TTC23: variants seen among roughly 807,000 people sequenced by gnomAD.
The protein encoded by TTC23 is tetratricopeptide repeat protein 23.
Under a neutral mutation model 55.1 loss-of-function variants are expected in TTC23, and 58 were observed. The observed-to-expected ratio is 1.05, with a 90% CI of 0.85 to 1.31. The LOEUF (loss-of-function observed/expected upper bound fraction) is 1.31, where lower values mean the gene tolerates loss of function less well. Ranked by LOEUF, TTC23 falls within the 50% of genes most tolerant of loss-of-function variation. The probability of loss-of-function intolerance (pLI) is 0.00; values close to 1 mark genes in which losing one functional copy is unlikely to be tolerated. For missense variants in TTC23, 516 were observed against 534.4 expected (o/e 0.97, Z 0.34); for synonymous variants, 203 against 199.9 (o/e 1.02, Z -0.13).
intron 8 of TTC23, among the ~76,000 whole-genome samples, chr15:99,208,926 A>C (rs965294248): frequency 6.6e-6 from 1 of 152,148 alleles, no homozygotes; most frequent in East Asian, 1.9e-4. Context: ...TGATTTGAGG[A>C]TTTATTATCT....
intron 2 of TTC23, among the ~76,000 whole-genome samples, chr15:99,242,128 T>A: frequency 9.2e-6 from 1 of 108,460 alleles, no homozygotes. Context: ...CAAGATCCTG[T>A]CTCAGAAAAA....
intron 2 of TTC23, among the ~76,000 whole-genome samples, chr15:99,242,124 C>T (rs2079857908): frequency 1.5e-5 from 2 of 131,150 alleles, no homozygotes; most frequent in South Asian, 5.0e-4. Context: ...AGAACAAGAT[C>T]CTGTCTCAGA....
chr15:99,190,821 G>C, intron 9 of TTC23, among the ~76,000 whole-genome samples: 1 of 151,720 alleles, frequency 6.6e-6, no homozygotes, highest in Non-Finnish European at 1.5e-5. Flanking sequence ...GTGCAGTGGC[G>C]TCCAGGTTGG....
chr15:99,238,617 G>A (rs1262272270), intron 3 of TTC23, among the ~76,000 whole-genome samples: 1 of 152,148 alleles, frequency 6.6e-6, no homozygotes, highest in African/African-American at 2.4e-5. Flanking sequence ...ACTGCTGGTG[G>A]TTCAATTTGG....
At chr15:99,232,408 G>A (rs903347056) in intron 4 of TTC23, among the ~76,000 whole-genome samples, 6 of 151,526 alleles carry the variant, frequency 4.0e-5, no homozygotes, top group Non-Finnish European at 7.4e-5. Flanking sequence ...GAACTTGGGA[G>A]GCGGAGGTTG....
At chr15:99,156,745 C>T (rs566287877) in intron 11 of TTC23, among the ~76,000 whole-genome samples, 7 of 152,130 alleles carry the variant, frequency 4.6e-5, no homozygotes, top group South Asian at 2.1e-4. Flanking sequence ...TAATTCAAGA[C>T]GAGATTTGGG....
intron 3 of TTC23, among the ~76,000 whole-genome samples, chr15:99,236,823 T>A (rs1163046264): frequency 3.9e-5 from 6 of 152,224 alleles, no homozygotes; most frequent in Non-Finnish European, 8.8e-5. Context: ...GATTACCTTT[T>A]GTTGATTATT....
At chr15:99,211,883 TG>T (rs972393821) in intron 8 of TTC23, among the ~76,000 whole-genome samples, 4 of 152,044 alleles carry the variant, frequency 2.6e-5, no homozygotes, top group African/African-American at 9.7e-5. Flanking sequence ...TTAATAGAGA[TG>T]GGGATTCACC....
intron 9 of TTC23, among the ~76,000 whole-genome samples, chr15:99,177,959 C>G (rs984170561): frequency 6.6e-6 from 1 of 152,096 alleles, no homozygotes; most frequent in South Asian, 2.1e-4. Flanking sequence ...GCAGGAGGAT[C>G]ACTTGAGCTC....
intron 5 of TTC23, 136 bp downstream of exon 5, chr15:99,228,397 C>A (rs1444150387): frequency 2.9e-6 from 2 of 701,364 alleles, no homozygotes; most frequent in African/African-American, 3.6e-5. Flanking sequence ...CATGTTATAA[C>A]AAAGGCACTG....
chr15:99,183,891 G>C (rs1348689125), intron 9 of TTC23, among the ~76,000 whole-genome samples: 1 of 152,082 alleles, frequency 6.6e-6, no homozygotes, highest in African/African-American at 2.4e-5. Flanking sequence ...AGACCTAGGA[G>C]GAAAAATGAT....
intron 8 of TTC23, among the ~76,000 whole-genome samples, chr15:99,206,087 T>C (rs1203286012): frequency 6.6e-6 from 1 of 152,210 alleles, no homozygotes; most frequent in African/African-American, 2.4e-5. Context: ...AATGATCATA[T>C]GGTTTTTGTC....
At chr15:99,169,739 G>A (rs1306643729) in intron 10 of TTC23, among the ~76,000 whole-genome samples, 1 of 152,240 alleles carries the variant, frequency 6.6e-6, no homozygotes, top group Non-Finnish European at 1.5e-5. Flanking sequence ...CCAGTCTACT[G>A]TGTAAAATGT....
intron 1 of TTC23, 30 bp downstream of exon 1, chr15:99,249,141 T>C (rs533031796): frequency 6.1e-4 from 93 of 152,344 alleles, no homozygotes; most frequent in African/African-American, 2.2e-3. Context: ...AAATGATCTA[T>C]AGTTAATCTT....
At chr15:99,152,094 T>G (rs1254957224) in intron 12 of TTC23, among the ~76,000 whole-genome samples, 1 of 152,214 alleles carries the variant, frequency 6.6e-6, no homozygotes, top group Non-Finnish European at 1.5e-5. Context: ...TCATGAATGT[T>G]TAAGCACTAT....
intron 9 of TTC23, among the ~76,000 whole-genome samples, chr15:99,197,799 G>A (rs1025814987): frequency 2.0e-5 from 3 of 151,812 alleles, no homozygotes; most frequent in Non-Finnish European, 2.9e-5. Context: ...CCAGCTACTC[G>A]GGAGGCTGAG....
chr15:99,230,564 TA>T (rs1363498040), intron 4 of TTC23, among the ~76,000 whole-genome samples: 3 of 151,826 alleles, frequency 2.0e-5, no homozygotes, highest in African/African-American at 7.3e-5. Flanking sequence ...CAAAACATCA[TA>T]AACAAATTGC....
At chr15:99,205,445 T>G (rs2076547167) in intron 8 of TTC23, among the ~76,000 whole-genome samples, 1 of 152,148 alleles carries the variant, frequency 6.6e-6, no homozygotes, top group African/African-American at 2.4e-5. Context: ...TCTTTTTGCA[T>G]GTCCTCTTCA....
At chr15:99,235,816 C>T (rs914069004) in intron 3 of TTC23, among the ~76,000 whole-genome samples, 13 of 152,208 alleles carry the variant, frequency 8.5e-5, no homozygotes, top group African/African-American at 3.1e-4. Flanking sequence ...TCCCATTCCC[C>T]CTACCCTCCA....
Sources: gnomAD v4.1 joint callset for allele counts (sites outside exome capture counted in the v4.1 genomes callset) on GRCh38, gnomAD v4.1.1 for gene constraint, MANE v1.5 for transcripts, NCBI Gene and HGNC (gene_info 2026-07-23, HGNC 2026-07-21) for gene names.